Variants in ERICH1 observed in about 807,000 individuals in gnomAD.
ERICH1 encodes the protein glutamate rich 1, also known as glutamate-rich protein 1.
Under a neutral mutation model 39.6 loss-of-function variants are expected in ERICH1, and 56 were observed. The ratio of observed to expected loss-of-function variants is 1.41; its 90% CI spans 1.14 to 1.77. ERICH1 has a LOEUF of 1.77. Among genes scored for constraint, ERICH1 ranks in the 40% most tolerant of loss-of-function variants. The pLI, the probability that ERICH1 is intolerant of heterozygous loss-of-function variation, is 0.00. For synonymous variants in ERICH1, 313 were observed against 223.6 expected (o/e 1.40, Z -3.57); for missense variants, 826 against 575.4 (o/e 1.44, Z -4.45).
At position 669,722 on chromosome 8, in the gene ERICH1, G is replaced by T. The variant is rs377357539; in HGVS notation, c.1064-930C>A. ...AAGCTCTCTATGTCCACATCACATC[G>T]CTTAAAAAAAGAATCAGACTGTGGC... On this transcript the variant is annotated intron_variant, in intron 4 of 5. Coordinates refer to ENST00000262109, the MANE Select transcript of ERICH1 (RefSeq NM_207332.3). Among the ~76,000 whole-genome samples, 37 of 152,340 alleles carry T rather than the reference G, an allele frequency of 2.4e-4. 1 individual carries two copies. The South Asian group carries it at 4.1e-3, about 17-fold the overall frequency.
At chr8:642,414 G>T (rs904278260) in intron 3 of ERICH1, among the ~76,000 whole-genome samples, 4 of 141,664 alleles carry the variant, frequency 2.8e-5, no homozygotes, top group Middle Eastern at 3.7e-3. Context: ...GTGCGATCTC[G>T]GCTCACTGCA....
At chr8:710,705 G>T (rs187402253) in intron 2 of ERICH1, among the ~76,000 whole-genome samples, 5 of 152,192 alleles carry the variant, frequency 3.3e-5, no homozygotes, top group African/African-American at 1.2e-4. Flanking sequence ...TGGCTTGACA[G>T]TTCATTTCTT....
At chr8:623,614 A>G (rs1187636376) in intron 3 of ERICH1, among the ~76,000 whole-genome samples, 1 of 152,216 alleles carries the variant, frequency 6.6e-6, no homozygotes, top group African/African-American at 2.4e-5. Context: ...TAATCAGCAC[A>G]TCTATCACCT....
At chr8:699,212 G>A (rs1471677283) in intron 2 of ERICH1, among the ~76,000 whole-genome samples, 5 of 152,116 alleles carry the variant, frequency 3.3e-5, no homozygotes, top group Admixed American at 3.3e-4. Flanking sequence ...TACGAGATGT[G>A]TAAGGCTGGT....
At chr8:635,717 G>C (rs1162748841) in intron 3 of ERICH1, among the ~76,000 whole-genome samples, 1 of 152,212 alleles carries the variant, frequency 6.6e-6, no homozygotes, top group Non-Finnish European at 1.5e-5. Context: ...CTAGCAACGG[G>C]GTGTGAGCAC....
chr8:633,389 C>T (rs1034581531), intron 3 of ERICH1, among the ~76,000 whole-genome samples: 2 of 152,170 alleles, frequency 1.3e-5, no homozygotes, highest in Admixed American at 6.5e-5. Context: ...GAGGTACTCA[C>T]AACAGCATGG....
At chr8:723,627 A>T (rs1164834018) in intron 1 of ERICH1, among the ~76,000 whole-genome samples, 2 of 152,220 alleles carry the variant, frequency 1.3e-5, no homozygotes, top group Non-Finnish European at 2.9e-5. Flanking sequence ...GCTCTAGCTG[A>T]TCTCTTTTTC....
intron 2 of ERICH1, among the ~76,000 whole-genome samples, chr8:711,827 A>G (rs982247777): frequency 1.3e-5 from 2 of 152,078 alleles, no homozygotes; most frequent in Non-Finnish European, 2.9e-5. Context: ...TTTTTTTGTG[A>G]AAGGTTTAAG....
chr8:633,660 A>G (rs1181034029), intron 3 of ERICH1, among the ~76,000 whole-genome samples: 1 of 152,232 alleles, frequency 6.6e-6, no homozygotes, highest in Admixed American at 6.5e-5. Context: ...GAATGAAAGC[A>G]TCACCGTCCT....
intron 3 of ERICH1, among the ~76,000 whole-genome samples, chr8:689,119 TTTC>T (rs1296988688): frequency 7.2e-5 from 8 of 111,342 alleles, no homozygotes; most frequent in African/African-American, 2.7e-4. Context: ...TGATCTTTTT[TTTC>T]TTTTTTTGAG....
chr8:625,512 T>C (rs1260151943), intron 3 of ERICH1, among the ~76,000 whole-genome samples: 1 of 152,076 alleles, frequency 6.6e-6, no homozygotes, highest in African/African-American at 2.4e-5. Flanking sequence ...GAGCACGGGG[T>C]GTCTTGGGGG....
At chr8:655,460 C>T (rs1322397609) in intron 3 of ERICH1, among the ~76,000 whole-genome samples, 3 of 152,186 alleles carry the variant, frequency 2.0e-5, no homozygotes, top group Non-Finnish European at 4.4e-5. Flanking sequence ...CCTACGTGTG[C>T]GTTTCGTGTT....
rs377144371 is a variant in ERICH1, at chr8:673,434, C to T, written c.918G>A (p.Pro306=). The T allele has an allele frequency of 2.0e-5, 32 of 1,613,450 alleles. No individual in the cohort carries two copies. In the East Asian group the frequency reaches 2.5e-4, roughly 12 times the overall value. Residue 306 remains proline (P), a synonymous_variant, in exon 4 of 6, where the codon CCG becomes CCA. Transcript: ENST00000262109. ...CACCCTCTTCCTCCCCAGCCCATGT[C>T]GGGTCTTCCTCGCTGGCGTCCGCAC... ...EDGADASEED[P]TWAGEEEGAD... is the part of the protein sequence containing the mutation.
rs569675705 is a variant in ERICH1 at position 700,889 on chromosome 8, C to T, written c.170-8277G>A. Among the ~76,000 whole-genome samples, 19 of 152,318 alleles carry T rather than the reference C, an allele frequency of 1.2e-4. No homozygotes were observed. The East Asian group carries it at 3.3e-3, about 26-fold the overall frequency. ...AAATACTTAACAATGCCAGATAAAA[C>T]ACAGCAAACCTACCTTCAATGCACA... On this transcript the variant is annotated intron_variant, in intron 2 of 5. Coordinates refer to ENST00000262109, the MANE Select transcript of ERICH1 (RefSeq NM_207332.3).
intron 4 of ERICH1, among the ~76,000 whole-genome samples, chr8:671,154 T>G (rs1199147976): frequency 1.4e-5 from 2 of 139,878 alleles, no homozygotes; most frequent in Non-Finnish European, 3.1e-5. Context: ...GGTTCTAATG[T>G]CTGTGCTCAC....
intron 3 of ERICH1, among the ~76,000 whole-genome samples, chr8:684,098 T>A (rs568176800): frequency 6.6e-6 from 1 of 152,304 alleles, no homozygotes; most frequent in Admixed American, 6.5e-5. Context: ...TTAAAAACAA[T>A]TCACATTTAG....
At chr8:678,192 C>G (rs1805297116) in intron 3 of ERICH1, among the ~76,000 whole-genome samples, 1 of 151,894 alleles carries the variant, frequency 6.6e-6, no homozygotes, top group Non-Finnish European at 1.5e-5. Context: ...TCAGGATGCT[C>G]CCTGCAGTTA....
chr8:680,808 A>C lies in ERICH1; in HGVS notation c.305-6761T>G, dbSNP rs78461807. On this transcript the variant is annotated intron_variant, in intron 3 of 5. Coordinates refer to ENST00000262109, the MANE Select transcript of ERICH1 (RefSeq NM_207332.3). ...GCAACATCCTGACAGTGTGTGAGAG[A>C]GCCCAGATCGCCCCGCTGCCCCAGT... is the stretch of plus-strand genomic sequence containing the variant. Among the ~76,000 whole-genome samples the C allele has an allele frequency of 0.022, 3,309 of 152,286 alleles. 230 individuals carry two copies. In the East Asian group the frequency reaches 0.23, roughly 10 times the overall value.
In ERICH1 at chr8:634,183, A is replaced by AAAACAAACAAACAAAAAACAAAC. The variant is rs1554481908; in HGVS notation, c.977-18900_977-18899insGTTTGTTTTTTGTTTGTTTGTTT. Among the ~76,000 whole-genome samples the AAAACAAACAAACAAAAAACAAAC allele has an allele frequency of 9.4e-4, 128 of 135,762 alleles. 1 individual carries two copies. The highest frequency in any genetic ancestry group is 2.4e-3 in the African/African-American group (84 of 34,300). 89.1% of individuals were successfully genotyped at this position (135,762 alleles called of 152,430 possible). Reference sequence around the variant, plus strand: ...TCCTAAAACTCAAAAAAAAAAAAAAAAAACAAACAAAAAAAACCCTGATTC... The same window carrying AAAACAAACAAACAAAAAACAAAC: ...TCCTAAAACTCAAAAAAAAAAAAAAAAAACAAACAAACAAAAAACAAACAAACAAACAAAAAAAACCCTGATTC... On this transcript the variant is annotated intron_variant, in intron 3 of 3. Coordinates refer to the ERICH1 transcript ENST00000522706.
Sources: gnomAD v4.1 joint callset for allele counts (sites outside exome capture counted in the v4.1 genomes callset) on GRCh38, gnomAD v4.1.1 for gene constraint, MANE v1.5 for transcripts, NCBI Gene and HGNC (gene_info 2026-07-23, HGNC 2026-07-21) for gene names.